The following TMEM245 variants were observed in gnomAD, a reference collection of about 807,000 sequenced individuals.
TMEM245 encodes protein CG-2.
TMEM245 carries 69 observed loss-of-function variants against 101.2 expected under a neutral mutation model. The observed-to-expected ratio is 0.68, with a 90% CI of 0.56 to 0.83. The LOEUF (loss-of-function observed/expected upper bound fraction) is 0.83. Ranked by LOEUF, TMEM245 falls within the 40% of genes least tolerant of loss-of-function variation. The probability of loss-of-function intolerance (pLI) is 0.00; values close to 1 mark genes in which losing one functional copy is unlikely to be tolerated. For synonymous variants in TMEM245, 537 were observed against 449.8 expected (o/e 1.19, Z -2.45); for missense variants, 1,075 against 1,092.8 (o/e 0.98, Z 0.23).
In TMEM245 at chr9:109,016,121, T is replaced by TTC. The variant is rs1827431590; in HGVS notation, c.*4338_*4339insGA. On this transcript the variant is annotated 3_prime_UTR_variant, in exon 18 of 18. Transcript: ENST00000374586. ...GTTTCTCAAAGGACCCTGTAGTCCTTTGAGATGCTCTGAGGAATAAAGAAG... is the reference window on the plus strand; with the variant it reads ...GTTTCTCAAAGGACCCTGTAGTCCTTTCTGAGATGCTCTGAGGAATAAAGAAG... 6.6e-6 allele frequency: 1 copy of TTC among 152,626 alleles called. No individual in the cohort carries two copies. The highest frequency in any genetic ancestry group is 2.4e-5 in the African/African-American group (1 of 41,450). The allele number at this position is 152,626 out of a possible 1,614,324, so 9.5% of individuals were successfully genotyped here. A position where few individuals can be genotyped will look rare whatever the true frequency, so the allele number is the denominator to read the frequency against.
chr9:109,088,661 C>T (rs2132555920), intron 5 of TMEM245, among the ~76,000 whole-genome samples: 1 of 151,568 alleles, frequency 6.6e-6, no homozygotes, highest in Admixed American at 6.6e-5. Flanking sequence ...ACTAAAAATA[C>T]AAAAAATTAG....
chr9:109,052,057 G>C (rs1442265295), intron 12 of TMEM245, among the ~76,000 whole-genome samples: 3 of 152,184 alleles, frequency 2.0e-5, no homozygotes, highest in Non-Finnish European at 4.4e-5. Context: ...GTTTCTCATA[G>C]ATGTTAAATA....
chr9:109,083,804 C>T (rs1829739833), intron 7 of TMEM245, among the ~76,000 whole-genome samples: 1 of 147,742 alleles, frequency 6.8e-6, no homozygotes, highest in African/African-American at 2.5e-5. Flanking sequence ...ACCTATAATC[C>T]TAACACTTTA....
intron 17 of TMEM245, among the ~76,000 whole-genome samples, chr9:109,027,051 T>C (rs1246818805): frequency 1.3e-5 from 2 of 152,060 alleles, no homozygotes; most frequent in South Asian, 2.1e-4. Flanking sequence ...AATTCCTTTA[T>C]AGCAATGAAA....
intron 5 of TMEM245, among the ~76,000 whole-genome samples, chr9:109,090,580 C>G (rs1406114175): frequency 6.6e-6 from 1 of 151,658 alleles, no homozygotes; most frequent in African/African-American, 2.4e-5. Context: ...AAAAATTAGC[C>G]GGGTGTGGTG....
In TMEM245 at chr9:109,033,464, C is replaced by T. The variant is rs778796519; in HGVS notation, c.2437G>A (p.Gly813Ser). ...HPYLTGLAVA[G>S]GAYYLGLEGA... ...TCCAGGCCTAGGTAGTATGCTCCAC[C>T]GGCCACTGCCAAGCCTGTCAGGTAA... The change falls in exon 17 of 18, where the codon GGT (glycine) becomes AGT (serine). Residue 813 changes from glycine to serine, a missense_variant. This residue lies in a region of TMEM245 where 267 missense variants were observed against 351.3 expected (regional missense o/e 0.76). Coordinates refer to ENST00000374586, the MANE Select transcript of TMEM245 (RefSeq NM_032012.4). 2.5e-6 allele frequency: 4 copies of T among 1,611,192 alleles called. No individual in the cohort carries two copies. Among genetic ancestry groups the T allele is most frequent in the Admixed American group, 1.7e-5 (1 of 59,502 alleles).
intron 4 of TMEM245, among the ~76,000 whole-genome samples, chr9:109,091,877 A>T (rs1830016096): frequency 6.6e-6 from 1 of 152,180 alleles, no homozygotes; most frequent in Non-Finnish European, 1.5e-5. Context: ...ATTACTCTAT[A>T]TATACTATAA....
At chr9:109,043,191 A>G (rs1469749030) in intron 14 of TMEM245, among the ~76,000 whole-genome samples, 1 of 152,212 alleles carries the variant, frequency 6.6e-6, no homozygotes, top group Admixed American at 6.5e-5. Flanking sequence ...CATTTTTTGG[A>G]TAGTCAATTT....
intron 3 of TMEM245, among the ~76,000 whole-genome samples, chr9:109,103,702 TAGAG>T (rs1214615525): frequency 6.6e-6 from 1 of 151,816 alleles, no homozygotes; most frequent in Non-Finnish European, 1.5e-5. Flanking sequence ...AACTCAGAGA[TAGAG>T]AGCAGAAGGA....
chr9:109,082,338 T>TA (rs1212666992), intron 7 of TMEM245, among the ~76,000 whole-genome samples: 2 of 111,264 alleles, frequency 1.8e-5, no homozygotes, highest in East Asian at 1.9e-4. Context: ...TGCAGAGACT[T>TA]AAAAAAAAGG....
intron 9 of TMEM245, among the ~76,000 whole-genome samples, chr9:109,072,129 A>G (rs994137691): frequency 2.0e-5 from 3 of 152,202 alleles, no homozygotes; most frequent in Admixed American, 1.3e-4. Flanking sequence ...ATATGGGACA[A>G]TAAGTTGTGG....
chr9:109,108,487 T>C lies in TMEM245; in HGVS notation c.663A>G (p.Ser221=). 6.3e-7 allele frequency: 1 copy of C among 1,599,484 alleles called. No homozygotes were observed. The highest frequency in any genetic ancestry group is 8.5e-7 in the Non-Finnish European group (1 of 1,174,376). Reference sequence around the variant, plus strand: ...AAAGCAATATAATCCAGACAGGAATTGAAACTGCTCTCAAGTAGCGTTCAG... The same window carrying C: ...AAAGCAATATAATCCAGACAGGAATCGAAACTGCTCTCAAGTAGCGTTCAG... ...ASTERYLRAV[S]IPVWIILLFH... The change falls in exon 2 of 18, where the codon TCA becomes TCG. Residue 221 remains serine, a synonymous_variant. Coordinates refer to ENST00000374586, the MANE Select transcript of TMEM245 (RefSeq NM_032012.4).
At position 109,112,113 on chromosome 9, in the gene TMEM245, C is replaced by T. The variant is rs917031412; in HGVS notation, c.580-3543G>A. Among the ~76,000 whole-genome samples the T allele has an allele frequency of 4.6e-5, 7 of 151,836 alleles. 1 individual carries two copies. The South Asian group carries it at 1.5e-3, about 32-fold the overall frequency. ...TTATATTAAGCCCATTATGATTATA[C>T]AATTACCAATGGTTAAAAATGTTTA... is the stretch of plus-strand genomic sequence containing the variant. On this transcript the variant is annotated intron_variant, in intron 1 of 17. Transcript: ENST00000374586.
intron 17 of TMEM245, among the ~76,000 whole-genome samples, chr9:109,022,594 A>C (rs1827665070): frequency 6.6e-6 from 1 of 152,162 alleles, no homozygotes; most frequent in Non-Finnish European, 1.5e-5. Flanking sequence ...TAGAATGCCA[A>C]TCAAAATGAC....
In TMEM245 at chr9:109,119,455, G is replaced by A. The variant is rs1454852816; in HGVS notation, c.459C>T (p.Gly153=). 8 of 1,501,742 alleles carry A rather than the reference G, an allele frequency of 5.3e-6. No individual in the cohort carries two copies. Among genetic ancestry groups the A allele is most frequent in the South Asian group, 1.2e-5 (1 of 80,084 alleles). The allele number at this position is 1,501,742 out of a possible 1,614,324, so 93.0% of individuals were successfully genotyped here. ...GGCCGTACAGGAGCGGGCCGCCGGCGCCGAGCAGCAGGAGCAGGCGGCGGC... is the reference window on the plus strand; with the variant it reads ...GGCCGTACAGGAGCGGGCCGCCGGCACCGAGCAGCAGGAGCAGGCGGCGGC... ...LRRRRLLLLL[G]AGGPLLYGLY... is the part of the protein sequence containing the mutation. The change falls in exon 1 of 18, where the codon GGC becomes GGT. Residue 153 remains glycine, a synonymous_variant. Transcript: ENST00000374586.
chr9:109,076,592 C>A (rs1408765082), intron 8 of TMEM245, among the ~76,000 whole-genome samples: 1 of 152,066 alleles, frequency 6.6e-6, no homozygotes, highest in Non-Finnish European at 1.5e-5. Flanking sequence ...GTTATATACA[C>A]CCCTTCCCCG....
At chr9:109,065,022 G>C (rs1321706548) in intron 9 of TMEM245, among the ~76,000 whole-genome samples, 3 of 152,190 alleles carry the variant, frequency 2.0e-5, no homozygotes, top group Non-Finnish European at 2.9e-5. Flanking sequence ...CTGATCTCAA[G>C]TGATCCACCT....
chr9:109,043,837 T>C (rs1461134707), intron 14 of TMEM245, among the ~76,000 whole-genome samples: 1 of 152,282 alleles, frequency 6.6e-6, no homozygotes, highest in African/African-American at 2.4e-5. Flanking sequence ...CATTGGAAGG[T>C]AGGCCATCGT....
intron 9 of TMEM245, among the ~76,000 whole-genome samples, chr9:109,068,823 G>A (rs142972499): frequency 1.3e-5 from 2 of 152,256 alleles, no homozygotes; most frequent in East Asian, 3.9e-4. Context: ...TGATTTTATA[G>A]CTATGGAGAA....
Sources: allele counts gnomAD v4.1 joint callset (sites outside exome capture counted in the v4.1 genomes callset), GRCh38; gene constraint gnomAD v4.1.1; regional missense constraint gnomAD v4.1.1; transcripts MANE v1.5; gene names NCBI Gene and HGNC (gene_info 2026-07-23, HGNC 2026-07-21).